Variants in ZZEF1 observed in about 807,000 individuals in gnomAD.
ZZEF1 encodes zinc finger ZZ-type and EF-hand domain containing 1.
In ZZEF1, 157 loss-of-function variants were observed where a neutral mutation model predicts 342.8. The observed-to-expected ratio is 0.46, with a 90% CI of 0.40 to 0.52. The LOEUF is 0.52. Among genes scored for constraint, ZZEF1 ranks in the 20% least tolerant of loss-of-function variants. The probability of loss-of-function intolerance (pLI) is 0.00; values close to 1 mark genes in which losing one functional copy is unlikely to be tolerated. For synonymous variants in ZZEF1, 1,505 were observed against 1,429.1 expected (o/e 1.05, Z -1.20); for missense variants, 3,480 against 3,725.6 (o/e 0.93, Z 1.72).
At chr17:4,034,941 T>TG (rs1486635253) in intron 39 of ZZEF1, among the ~76,000 whole-genome samples, 4 of 152,184 alleles carry the variant, frequency 2.6e-5, no homozygotes, top group Non-Finnish European at 5.9e-5. Flanking sequence ...GAGGCTGCAG[T>TG]GAGCCATGGT....
intron 34 of ZZEF1, among the ~76,000 whole-genome samples, chr17:4,053,204 C>G (rs146800064): frequency 6.6e-6 from 1 of 152,320 alleles, no homozygotes; most frequent in East Asian, 1.9e-4. Context: ...TCCCTGCTGT[C>G]TCTAGACTAT....
intron 39 of ZZEF1, among the ~76,000 whole-genome samples, chr17:4,036,283 G>C (rs2056660959): frequency 6.6e-6 from 1 of 152,148 alleles, no homozygotes; most frequent in East Asian, 1.9e-4. Context: ...TCTCATGTGT[G>C]TGTGGGGTAA....
chr17:4,082,803 T>G (rs12601931), intron 16 of ZZEF1, among the ~76,000 whole-genome samples: 2 of 152,044 alleles, frequency 1.3e-5, no homozygotes, highest in Non-Finnish European at 2.9e-5. Flanking sequence ...GAGACGGAAT[T>G]TCGCTCTTGT....
rs202246578 is a variant in ZZEF1, at chr17:4,082,412, C to A, written c.2714+25G>T. 11 of 1,612,080 alleles carry A rather than the reference C, an allele frequency of 6.8e-6. 1 individual carries two copies. The African/African-American group carries it at 1.5e-4, about 22-fold the overall frequency. ...CTTTGCAAAGATTTGAGTTATCCGA[C>A]AATTAAAAAGAACGATCAGCTTACC... On this transcript the variant is annotated intron_variant, in intron 17 of 54. Transcript: ENST00000381638.
chr17:4,114,525 AAG>A (rs1285852691), intron 3 of ZZEF1, 55 bp from the exon 4 acceptor site: 1 of 1,346,610 alleles, frequency 7.4e-7, no homozygotes, highest in East Asian at 2.7e-5. Flanking sequence ...AGGGAAAAAA[AAG>A]AGTCATTTAA....
In ZZEF1 at chr17:4,064,132, T is replaced by C. The variant is rs181721062; in HGVS notation, c.4718+229A>G. Among the ~76,000 whole-genome samples, 212 of 151,988 alleles carry C rather than the reference T, an allele frequency of 1.4e-3. 1 individual carries two copies. Among genetic ancestry groups the C allele is most frequent in the African/African-American group, 4.8e-3 (199 of 41,442 alleles). On this transcript the variant is annotated intron_variant, in intron 29 of 54. Transcript: ENST00000381638. Reference sequence around the variant, plus strand: ...CTGATCCCAAGTGATCCTCCCACTTTGGCCTCCCAAACTGCTGAGATTATA... The same window carrying C: ...CTGATCCCAAGTGATCCTCCCACTTCGGCCTCCCAAACTGCTGAGATTATA...
intron 51 of ZZEF1, 138 bp downstream of exon 51, chr17:4,013,952 C>T: frequency 1.2e-6 from 1 of 805,070 alleles, no homozygotes; most frequent in East Asian, 2.7e-5. Flanking sequence ...AGGTGTGGGG[C>T]TTGTGAGACA....
chr17:4,058,162 G>T lies in ZZEF1; in HGVS notation c.5004-7C>A, dbSNP rs1272438886. On this transcript the variant is annotated splice_region_variant and splice_polypyrimidine_tract_variant and intron_variant, in intron 31 of 54. Coordinates refer to ENST00000381638, the MANE Select transcript of ZZEF1 (RefSeq NM_015113.4). ...TAAGGCAGGGAGCAAGGACCTAAAGGGCCATGAAAGTGACCATTAGCAGAG... is the reference window on the plus strand; with the variant it reads ...TAAGGCAGGGAGCAAGGACCTAAAGTGCCATGAAAGTGACCATTAGCAGAG... The T allele has an allele frequency of 6.2e-7, 1 of 1,608,850 alleles. No homozygotes were observed. The highest frequency in any genetic ancestry group is 2.2e-5 in the East Asian group (1 of 44,760).
Position 4,032,193 on chromosome 17 carries a change from G to A in ZZEF1, c.6825C>T (p.Ile2275=), listed in dbSNP as rs1339720707. 1 of 1,614,118 alleles carries A rather than the reference G, an allele frequency of 6.2e-7. No individual in the cohort carries two copies. The highest frequency in any genetic ancestry group is 8.5e-7 in the Non-Finnish European group (1 of 1,180,016). Residue 2275 remains isoleucine, a synonymous_variant, in exon 42 of 55, where the codon ATC becomes ATT. Coordinates refer to ENST00000381638, the MANE Select transcript of ZZEF1 (RefSeq NM_015113.4). ...DNANEPHNVI[I]LKHFTEKNRA... The stretch of plus-strand genomic sequence containing the variant: ...TGTTCTTCTCAGTAAAGTGCTTCAA[G>A]ATGATCACATTATGGGGTTCATTGG...
At chr17:4,129,530 T>C (rs1597937986) in intron 1 of ZZEF1, among the ~76,000 whole-genome samples, 1 of 151,842 alleles carries the variant, frequency 6.6e-6, no homozygotes, top group Admixed American at 6.6e-5. Context: ...TCCTTCAACA[T>C]AAATAAGGTA....
At chr17:4,067,778 G>C (rs2057429557) in intron 26 of ZZEF1, among the ~76,000 whole-genome samples, 1 of 152,040 alleles carries the variant, frequency 6.6e-6, no homozygotes, top group African/African-American at 2.4e-5. Context: ...CTATCACCCA[G>C]GCTGGAGTGC....
chr17:4,030,663 C>T (rs952297760), intron 42 of ZZEF1, among the ~76,000 whole-genome samples: 2 of 152,178 alleles, frequency 1.3e-5, no homozygotes, highest in Admixed American at 6.5e-5. Context: ...CCACGCCTGG[C>T]TACTTATTTT....
In ZZEF1 at chr17:4,019,763, G is replaced by C; in HGVS notation, c.7411C>G (p.His2471Asp). The stretch of plus-strand genomic sequence containing the variant: ...TGCAGAGGGGCATTGAGGGCATCAT[G>C]AGCCATCTGGAGGCCAGGGGAGGAC... ...EPTRICFLMAHDALNAPLHIL... is the reference protein window; with the variant it reads ...EPTRICFLMADDALNAPLHIL... Residue 2471 changes from histidine to aspartate, a missense_variant, in exon 46 of 55, where the codon CAT becomes GAT. By Grantham distance (81) the His-to-Asp change is moderately conservative. Coordinates refer to ENST00000381638, the MANE Select transcript of ZZEF1 (RefSeq NM_015113.4). The C allele has an allele frequency of 6.2e-7, 1 of 1,607,726 alleles. No individual in the cohort carries two copies. The highest frequency in any genetic ancestry group is 8.5e-7 in the Non-Finnish European group (1 of 1,178,204).
In ZZEF1 at chr17:4,022,730, C is replaced by T. The variant is rs2056301106; in HGVS notation, c.7191G>A (p.Thr2397=). ...TTACTTCCAGGTCCCGGAGGAGCCA[C>T]GTTTTACTAAAGCCAGTCCCTTTGC... The part of the protein sequence containing the change: ...KCSKGTGFSK[T]WLLRDLEILS... The change falls in exon 44 of 55, where the codon ACG becomes ACA. Residue 2397 remains threonine, a synonymous_variant. Coordinates refer to ENST00000381638, the MANE Select transcript of ZZEF1 (RefSeq NM_015113.4). The T allele has an allele frequency of 1.9e-6, 3 of 1,613,854 alleles. No homozygotes were observed. The highest frequency in any genetic ancestry group is 2.5e-6 in the Non-Finnish European group (3 of 1,179,944).
At chr17:4,137,397 T>G (rs2085043) in intron 1 of ZZEF1, among the ~76,000 whole-genome samples, 111,505 of 152,088 alleles carry the variant, frequency 0.73, 42,648 homozygotes, top group South Asian at 0.84. Flanking sequence ...GATCACAAGG[T>G]CAGGAGATCG....
chr17:4,018,442 T>G (rs970481322), intron 46 of ZZEF1, among the ~76,000 whole-genome samples: 2 of 152,028 alleles, frequency 1.3e-5, no homozygotes, highest in African/African-American at 2.4e-5. Flanking sequence ...TTTTTTAAAT[T>G]TAACAGAGTT....
At chr17:4,087,768 T>C (rs941021154) in intron 13 of ZZEF1, among the ~76,000 whole-genome samples, 27 of 144,828 alleles carry the variant, frequency 1.9e-4, no homozygotes, top group African/African-American at 7.0e-4. Context: ...TAAGTGTATA[T>C]AGATATATAC....
intron 2 of ZZEF1, among the ~76,000 whole-genome samples, chr17:4,117,809 T>C (rs940937335): frequency 6.6e-6 from 1 of 152,062 alleles, no homozygotes. Context: ...GAATACAGGG[T>C]AGAAATAAAG....
chr17:4,021,668 G>A (rs1272524633), intron 44 of ZZEF1, among the ~76,000 whole-genome samples: 1 of 152,158 alleles, frequency 6.6e-6, no homozygotes, highest in Non-Finnish European at 1.5e-5. Flanking sequence ...AATATACAAA[G>A]TTATTTTCAT....
Sources: gnomAD v4.1 joint callset for allele counts (sites outside exome capture counted in the v4.1 genomes callset) on GRCh38, gnomAD v4.1.1 for gene constraint, MANE v1.5 for transcripts, NCBI Gene and HGNC (gene_info 2026-07-23, HGNC 2026-07-21) for gene names.